TMEM71: variants seen among roughly 807,000 people sequenced by gnomAD.
The protein encoded by TMEM71 is transmembrane protein 71.
TMEM71 carries 44 observed loss-of-function variants against 38.0 expected under a neutral mutation model. The observed-to-expected ratio is 1.16, with a 90% CI of 0.91 to 1.49. The LOEUF (loss-of-function observed/expected upper bound fraction) is 1.49, where lower values mean the gene tolerates loss of function less well. Ranked by LOEUF, TMEM71 falls within the 40% of genes most tolerant of loss-of-function variation. The probability of loss-of-function intolerance (pLI) is 0.00; values close to 1 mark genes in which losing one functional copy is unlikely to be tolerated. For missense variants in TMEM71, 367 were observed against 348.6 expected (o/e 1.05, Z -0.42); for synonymous variants, 133 against 122.5 (o/e 1.09, Z -0.56).
At chr8:132,756,590 A>G (rs539664528) in intron 3 of TMEM71, among the ~76,000 whole-genome samples, 1 of 149,958 alleles carries the variant, frequency 6.7e-6, no homozygotes, top group Non-Finnish European at 1.5e-5. Context: ...ATAATAATAT[A>G]ATAATAATTA....
chr8:132,769,560 T>A, the TMEM71 span, among the ~76,000 whole-genome samples: 5 of 152,184 alleles, frequency 3.3e-5, no homozygotes, highest in African/African-American at 1.2e-4. Context: ...CAATGGTACT[T>A]GGAAGTGGGG....
intron 6 of TMEM71, among the ~76,000 whole-genome samples, chr8:132,726,854 C>T (rs7016978): frequency 0.13 from 18,122 of 139,538 alleles, 1,455 homozygotes; most frequent in East Asian, 0.28. Flanking sequence ...TCTTCTTCTT[C>T]TTTTTTTTTT....
chr8:132,738,017 C>T lies in TMEM71; in HGVS notation c.487+8925G>A, dbSNP rs16904732. ...CAATTCATTGTCTGTTTTGATGATC[C>T]TCAGCTGTTCTTTTCTGCCTTTTTA... is the stretch of plus-strand genomic sequence containing the variant. On this transcript the variant is annotated intron_variant, in intron 5 of 9. Coordinates refer to ENST00000677595, the MANE Select transcript of TMEM71 (RefSeq NM_001382403.1). Among the ~76,000 whole-genome samples, 1,340 of 152,184 alleles carry T rather than the reference C, an allele frequency of 8.8e-3. 40 individuals are homozygous for T. The East Asian group carries it at 0.089, about 10-fold the overall frequency.
intron 6 of TMEM71, among the ~76,000 whole-genome samples, chr8:132,724,820 G>T (rs1455815644): frequency 6.6e-6 from 1 of 152,042 alleles, no homozygotes; most frequent in Non-Finnish European, 1.5e-5. Flanking sequence ...CCTCCATTCA[G>T]GGTCCCTGAC....
chr8:132,707,346 T>C (rs1826108946), downstream of TMEM71, among the ~76,000 whole-genome samples: 1 of 151,572 alleles, frequency 6.6e-6, no homozygotes, highest in African/African-American at 2.4e-5. Flanking sequence ...AGATTTCGTC[T>C]CTTTTTATTC....
chr8:132,758,436 T>G (rs971853875), intron 2 of TMEM71: 1 of 174,662 alleles, frequency 5.7e-6, no homozygotes, highest in Non-Finnish European at 1.2e-5. Context: ...AGTGGGGTTT[T>G]GGGAGAAAAT....
chr8:132,764,288 T>TGTG (rs1829337183), upstream of TMEM71, among the ~76,000 whole-genome samples: 3 of 149,062 alleles, frequency 2.0e-5, no homozygotes, highest in African/African-American at 7.4e-5. Context: ...AACTGGGAGG[T>TGTG]TGTGTGTGTG....
intron 6 of TMEM71, among the ~76,000 whole-genome samples, chr8:132,722,438 C>T (rs1206092551): frequency 6.6e-6 from 1 of 152,146 alleles, no homozygotes; most frequent in East Asian, 1.9e-4. Context: ...TGTAAGAAAT[C>T]TAATTCTGTC....
At chr8:132,717,269 C>A (rs1826583829) in intron 7 of TMEM71, among the ~76,000 whole-genome samples, 1 of 152,040 alleles carries the variant, frequency 6.6e-6, no homozygotes, top group Non-Finnish European at 1.5e-5. Flanking sequence ...AACTTCTGCA[C>A]ATAAAGAATA....
chr8:132,763,858 G>A (rs1196050951), upstream of TMEM71, among the ~76,000 whole-genome samples: 3 of 152,282 alleles, frequency 2.0e-5, no homozygotes, highest in Non-Finnish European at 2.9e-5. Flanking sequence ...TTTGACAGGC[G>A]GAATGCTAAA....
At chr8:132,719,458 G>C (rs1429241227) in intron 7 of TMEM71, among the ~76,000 whole-genome samples, 2 of 152,166 alleles carry the variant, frequency 1.3e-5, no homozygotes, top group African/African-American at 4.8e-5. Flanking sequence ...ATTTTGTTTA[G>C]ATTTGATTCT....
At position 132,725,032 on chromosome 8, in the gene TMEM71, C is replaced by T. The variant is rs7836125; in HGVS notation, c.676+2766G>A. On this transcript the variant is annotated intron_variant, in intron 6 of 9. Transcript: ENST00000677595. ...GGAGGGCCTTTTTTTCTTTTCTTTT[C>T]TTTTCTTTTTTTTCTTTTTTTTTTT... Among the ~76,000 whole-genome samples, 1,075 of 147,974 alleles carry T rather than the reference C, an allele frequency of 7.3e-3. 16 individuals are homozygous for T. The highest frequency in any genetic ancestry group is 0.026 in the African/African-American group (1,037 of 40,112).
At chr8:132,712,830 TC>T (rs2130994397) in intron 9 of TMEM71, among the ~76,000 whole-genome samples, 1 of 142,570 alleles carries the variant, frequency 7.0e-6, no homozygotes, top group South Asian at 2.2e-4. Flanking sequence ...AACTCCTTTT[TC>T]TTTTTTCTTT....
At chr8:132,737,062 C>T (rs964929758) in intron 5 of TMEM71, among the ~76,000 whole-genome samples, 5 of 152,014 alleles carry the variant, frequency 3.3e-5, no homozygotes, top group Admixed American at 1.3e-4. Flanking sequence ...TCCACGGAGA[C>T]TGAAAGTAGA....
chr8:132,746,821 TG>T, intron 5 of TMEM71, 120 bp downstream of exon 5: 1 of 705,602 alleles, frequency 1.4e-6, no homozygotes, highest in Non-Finnish European at 2.2e-6. Context: ...TTTAAAAATG[TG>T]GCCCATCTCT....
At chr8:132,707,457 T>C (rs1436789214), downstream of TMEM71, among the ~76,000 whole-genome samples, 1 of 152,092 alleles carries the variant, frequency 6.6e-6, no homozygotes, top group East Asian at 1.9e-4. Flanking sequence ...CATGGGACCT[T>C]AAAGAGGGGA....
chr8:132,772,981 A>T, the TMEM71 span, among the ~76,000 whole-genome samples: 1 of 152,228 alleles, frequency 6.6e-6, no homozygotes, highest in African/African-American at 2.4e-5. Flanking sequence ...TCCTTACATT[A>T]CACAGTTGCT....
the TMEM71 span, among the ~76,000 whole-genome samples, chr8:132,775,863 C>T: frequency 6.6e-6 from 1 of 152,178 alleles, no homozygotes; most frequent in Non-Finnish European, 1.5e-5. Flanking sequence ...GAGGCTTCTC[C>T]AGCTCCCTGC....
chr8:132,769,985 A>G, the TMEM71 span, among the ~76,000 whole-genome samples: 2 of 152,236 alleles, frequency 1.3e-5, no homozygotes, highest in African/African-American at 4.8e-5. Flanking sequence ...GATCACTAAG[A>G]GAGTAAAAGT....
Sources: allele counts gnomAD v4.1 joint callset (sites outside exome capture counted in the v4.1 genomes callset), GRCh38; gene constraint gnomAD v4.1.1; transcripts MANE v1.5; gene names NCBI Gene and HGNC (gene_info 2026-07-23, HGNC 2026-07-21).